The following SIL1 variants were observed in gnomAD, a reference collection of about 807,000 sequenced individuals.
SIL1 encodes the protein nucleotide exchange factor SIL1.
Under a neutral mutation model 49.1 loss-of-function variants are expected in SIL1, and 40 were observed. The ratio of observed to expected loss-of-function variants is 0.81; its 90% CI spans 0.63 to 1.06. SIL1 has a LOEUF of 1.06. SIL1 is among the 50% of genes least tolerant of loss of function. SIL1 has a pLI of 0.00. For missense variants in SIL1, 500 were observed against 572.6 expected (o/e 0.87, Z 1.29); for synonymous variants, 253 against 250.8 (o/e 1.01, Z -0.08).
intron 1 of SIL1, among the ~76,000 whole-genome samples, chr5:139,129,148 G>C (rs1750812033): frequency 6.6e-6 from 1 of 152,006 alleles, no homozygotes; most frequent in African/African-American, 2.4e-5. Flanking sequence ...ACCCATCTAA[G>C]AAAGTAAAAG....
chr5:139,026,250 C>A (rs535292851), intron 6 of SIL1, among the ~76,000 whole-genome samples: 4 of 152,216 alleles, frequency 2.6e-5, no homozygotes, highest in African/African-American at 9.6e-5. Context: ...AGGACTATGT[C>A]TATTTTATCT....
chr5:139,197,841 G>A (rs1234385489), intron 1 of SIL1, among the ~76,000 whole-genome samples: 1 of 152,090 alleles, frequency 6.6e-6, no homozygotes. Flanking sequence ...AAATTTTCCA[G>A]GACAAAGAAA....
chr5:139,097,406 T>C (rs1770491548), intron 3 of SIL1, among the ~76,000 whole-genome samples: 1 of 150,700 alleles, frequency 6.6e-6, no homozygotes, highest in Non-Finnish European at 1.5e-5. Context: ...ACTTAAAGAC[T>C]CCCCCAAAAA....
Position 139,024,564 on chromosome 5 carries a change from G to A in SIL1, c.645+2237C>T, listed in dbSNP as rs1000916886. Among the ~76,000 whole-genome samples the A allele has an allele frequency of 9.9e-5, 15 of 152,238 alleles. No individual in the cohort carries two copies. The South Asian group carries it at 1.0e-3, about 11-fold the overall frequency. On this transcript the variant is annotated intron_variant, in intron 6 of 9. Transcript: ENST00000394817. ...GAACAAGGGCACTGTCGTGCATGGT[G>A]CATGGGAGGACATTGAGGATCTGTG...
At chr5:138,956,463 G>T (rs1766903891) in intron 7 of SIL1, among the ~76,000 whole-genome samples, 1 of 152,210 alleles carries the variant, frequency 6.6e-6, no homozygotes, top group East Asian at 1.9e-4. Flanking sequence ...CAAACAATTG[G>T]CTGGGCGCAG....
chr5:139,071,909 C>T (rs931798253), intron 3 of SIL1, among the ~76,000 whole-genome samples: 5 of 152,046 alleles, frequency 3.3e-5, no homozygotes, highest in Admixed American at 6.6e-5. Context: ...TCATGGTCCC[C>T]CCGCCTCAGC....
intron 1 of SIL1, among the ~76,000 whole-genome samples, chr5:139,191,917 A>G (rs906110384): frequency 6.6e-6 from 1 of 152,006 alleles, no homozygotes; most frequent in Non-Finnish European, 1.5e-5. Context: ...TCTACTAAAA[A>G]TACAAAAATT....
chr5:139,113,830 G>A (rs1770929538), intron 3 of SIL1, among the ~76,000 whole-genome samples: 1 of 152,160 alleles, frequency 6.6e-6, no homozygotes, highest in South Asian at 2.1e-4. Context: ...CATGAGGGCT[G>A]GGACTATTTT....
chr5:139,111,654 A>G (rs1481592809), intron 3 of SIL1, among the ~76,000 whole-genome samples: 1 of 152,202 alleles, frequency 6.6e-6, no homozygotes, highest in Non-Finnish European at 1.5e-5. Flanking sequence ...TGAAATGAAC[A>G]AGTTTTTTGA....
intron 3 of SIL1, among the ~76,000 whole-genome samples, chr5:139,116,229 C>A (rs1489182314): frequency 3.3e-5 from 5 of 152,254 alleles, no homozygotes; most frequent in Admixed American, 6.5e-5. Context: ...TCGTGCAGAT[C>A]TGAAATGATC....
intron 1 of SIL1, among the ~76,000 whole-genome samples, chr5:139,170,038 C>T (rs1358399448): frequency 2.6e-5 from 4 of 152,370 alleles, no homozygotes; most frequent in African/African-American, 7.2e-5. Flanking sequence ...GACTGGTTTT[C>T]GTACTTTTTT....
intron 1 of SIL1, among the ~76,000 whole-genome samples, chr5:139,135,792 T>A (rs970323051): frequency 2.0e-5 from 3 of 150,528 alleles, no homozygotes; most frequent in Non-Finnish European, 2.9e-5. Flanking sequence ...CAATCGGGCA[T>A]GGTGGCTCAC....
chr5:139,071,666 ATTTTTT>A (rs67604334), intron 3 of SIL1, among the ~76,000 whole-genome samples: 1 of 127,414 alleles, frequency 7.8e-6, no homozygotes. Context: ...TATTATTAGC[ATTTTTT>A]TTTTTTTTTT....
intron 1 of SIL1, among the ~76,000 whole-genome samples, chr5:139,173,684 T>C (rs991769269): frequency 4.0e-5 from 6 of 149,410 alleles, no homozygotes; most frequent in African/African-American, 1.5e-4. Flanking sequence ...CGGTGGCTCA[T>C]GCCTGTAATC....
At chr5:139,165,140 C>T (rs532600659) in intron 1 of SIL1, among the ~76,000 whole-genome samples, 4 of 152,190 alleles carry the variant, frequency 2.6e-5, no homozygotes, top group African/African-American at 9.7e-5. Context: ...ACAACCTGCT[C>T]TCTCTGAAGT....
chr5:139,073,877 G>A (rs971801765), intron 3 of SIL1, among the ~76,000 whole-genome samples: 6 of 151,164 alleles, frequency 4.0e-5, no homozygotes, highest in African/African-American at 1.5e-4. Flanking sequence ...TCCAGCCTGG[G>A]CAACAAGAGC....
intron 5 of SIL1, among the ~76,000 whole-genome samples, chr5:139,034,918 T>G (rs1420290405): frequency 6.6e-6 from 1 of 152,238 alleles, no homozygotes; most frequent in Non-Finnish European, 1.5e-5. Flanking sequence ...TCTACAACCC[T>G]TGCCAGCATC....
At chr5:139,008,083 T>C (rs1330303643) in intron 7 of SIL1, among the ~76,000 whole-genome samples, 2 of 152,058 alleles carry the variant, frequency 1.3e-5, no homozygotes, top group African/African-American at 2.4e-5. Flanking sequence ...TGTGAATCCA[T>C]CTGGTCCTGG....
chr5:139,151,251 G>A (rs1162660533), intron 1 of SIL1, among the ~76,000 whole-genome samples: 1 of 152,128 alleles, frequency 6.6e-6, no homozygotes, highest in Non-Finnish European at 1.5e-5. Context: ...GAGGAAGGGG[G>A]CAACAGGAGA....
Sources: gnomAD v4.1 joint callset for allele counts (sites outside exome capture counted in the v4.1 genomes callset) on GRCh38, gnomAD v4.1.1 for gene constraint, MANE v1.5 for transcripts, NCBI Gene and HGNC (gene_info 2026-07-23, HGNC 2026-07-21) for gene names.